Variants in RAB12 observed in about 807,000 individuals in gnomAD.
RAB12 encodes ras-related protein Rab-12.
Under a neutral mutation model 28.4 loss-of-function variants are expected in RAB12, and 11 were observed. That is an observed-to-expected ratio of 0.39 (90% CI 0.24 to 0.64). RAB12 has a LOEUF of 0.64. Ranked by LOEUF, RAB12 falls within the 30% of genes least tolerant of loss-of-function variation. The probability of loss-of-function intolerance (pLI) is 0.50; values close to 1 mark genes in which losing one functional copy is unlikely to be tolerated. For missense variants in RAB12, 276 were observed against 351.1 expected (o/e 0.79, Z 1.71); for synonymous variants, 138 against 145.3 (o/e 0.95, Z 0.36).
At chr18:8,636,208 C>CACGCATG (rs781376433) in intron 4 of RAB12, 45 bp from the exon 5 acceptor site, 65 of 1,337,832 alleles carry the variant, frequency 4.9e-5, no homozygotes, top group Non-Finnish European at 6.7e-5. Flanking sequence ...GCACGCTGGT[C>CACGCATG]TGTGAGGCCC....
chr18:8,632,368 A>G (rs1034065010), intron 2 of RAB12, among the ~76,000 whole-genome samples: 1 of 151,714 alleles, frequency 6.6e-6, no homozygotes, highest in African/African-American at 2.4e-5. Context: ...TGTGGCTGAC[A>G]GTAGTGGCTG....
chr18:8,619,479 T>C (rs1440519732), intron 1 of RAB12, among the ~76,000 whole-genome samples: 1 of 152,224 alleles, frequency 6.6e-6, no homozygotes, highest in African/African-American at 2.4e-5. Context: ...TTGCTAGACA[T>C]GTGAAAGACA....
intron 1 of RAB12, among the ~76,000 whole-genome samples, chr18:8,620,165 C>CTTTAAA (rs2096009078): frequency 2.7e-5 from 2 of 75,434 alleles, no homozygotes; most frequent in Non-Finnish European, 4.6e-5. Context: ...TTTTTTGCTT[C>CTTTAAA]AAAAAAAAAA....
chr18:8,631,649 G>A (rs1027883160), intron 2 of RAB12, among the ~76,000 whole-genome samples: 1 of 152,166 alleles, frequency 6.6e-6, no homozygotes, highest in Non-Finnish European at 1.5e-5. Context: ...GTAGTAGATT[G>A]GGGACTCAGA....
chr18:8,619,273 C>G (rs906151627), intron 1 of RAB12, among the ~76,000 whole-genome samples: 6 of 152,208 alleles, frequency 3.9e-5, no homozygotes, highest in Non-Finnish European at 8.8e-5. Context: ...GGCCGTAGTC[C>G]TAGATGTGGA....
rs117528993 is a variant in RAB12, at chr18:8,619,404, A to G, written c.515-5534A>G. ...CAGCAAAAAGAAACAGTAGTGTGCA[A>G]ATGTTTCGCTTTAAGGGGAACATAG... On this transcript the variant is annotated intron_variant, in intron 1 of 5. Transcript: ENST00000649141. Among the ~76,000 whole-genome samples, 28 of 152,310 alleles carry G rather than the reference A, an allele frequency of 1.8e-4. No homozygotes were observed. The East Asian group carries it at 5.4e-3, about 29-fold the overall frequency.
In RAB12 at chr18:8,618,750, G is replaced by C. The variant is rs756811867; in HGVS notation, c.515-6188G>C. Among the ~76,000 whole-genome samples, 63 of 152,168 alleles carry C rather than the reference G, an allele frequency of 4.1e-4. 1 individual carries two copies. The highest frequency in any genetic ancestry group is 8.1e-4 in the Non-Finnish European group (55 of 68,026). On this transcript the variant is annotated intron_variant, in intron 1 of 5. Transcript: ENST00000649141. ...AATGGTCTTGATCTCCTGATCTCGTGATCCACCCGCCTTGGCCTCCCAAAG... is the reference window on the plus strand; with the variant it reads ...AATGGTCTTGATCTCCTGATCTCGTCATCCACCCGCCTTGGCCTCCCAAAG...
intron 2 of RAB12, among the ~76,000 whole-genome samples, chr18:8,631,078 G>A (rs958101714): frequency 6.6e-5 from 10 of 152,096 alleles, no homozygotes; most frequent in African/African-American, 9.7e-5. Context: ...TAGTAGAGAC[G>A]GGGGTTTCAC....
At chr18:8,625,408 C>A (rs570569741) in intron 2 of RAB12, among the ~76,000 whole-genome samples, 2 of 152,214 alleles carry the variant, frequency 1.3e-5, no homozygotes, top group African/African-American at 4.8e-5. Context: ...AAGGCAGGTC[C>A]CCTGCAGACA....
At chr18:8,615,151 C>T (rs1031448747) in intron 1 of RAB12, among the ~76,000 whole-genome samples, 3 of 152,104 alleles carry the variant, frequency 2.0e-5, no homozygotes, top group Admixed American at 6.5e-5. Context: ...TTTGGACCTG[C>T]GGTTGAGCTG....
At chr18:8,628,092 C>T (rs562142452) in intron 2 of RAB12, among the ~76,000 whole-genome samples, 1 of 152,078 alleles carries the variant, frequency 6.6e-6, no homozygotes, top group African/African-American at 2.4e-5. Context: ...TCATAACTTG[C>T]AAACCTCTAG....
intron 1 of RAB12, among the ~76,000 whole-genome samples, chr18:8,624,417 C>A (rs1025997755): frequency 2.6e-5 from 4 of 151,994 alleles, no homozygotes; most frequent in Non-Finnish European, 5.9e-5. Context: ...ATTTTAAAAT[C>A]TTCTCACTGT....
chr18:8,618,639 A>C (rs1466296439), intron 1 of RAB12, among the ~76,000 whole-genome samples: 1 of 151,974 alleles, frequency 6.6e-6, no homozygotes, highest in Non-Finnish European at 1.5e-5. Flanking sequence ...CCTCCCGAGC[A>C]GCTGGGACCA....
rs550747824 is a variant in RAB12 at position 8,632,469 on chromosome 18, A to T, written c.576-720A>T. Among the ~76,000 whole-genome samples, 34 of 151,942 alleles carry T rather than the reference A, an allele frequency of 2.2e-4. No individual in the cohort carries two copies. The East Asian group carries it at 6.6e-3, about 29-fold the overall frequency. On this transcript the variant is annotated intron_variant, in intron 2 of 5. Coordinates refer to ENST00000649141, the MANE Select transcript of RAB12 (RefSeq NM_001025300.3). ...GAGCTGGCTCTGCTTGTCTCCACAG[A>T]CTCAGTGCTGCTGGCCTGACTGTGC...
chr18:8,625,760 T>C (rs945836604), intron 2 of RAB12, among the ~76,000 whole-genome samples: 1 of 152,260 alleles, frequency 6.6e-6, no homozygotes, highest in Admixed American at 6.5e-5. Flanking sequence ...TTTTGAATGC[T>C]ACAGCTGCGG....
rs71165795 is a variant in RAB12, at chr18:8,620,139, C to CTTTTTTTTTTTTTTT, written c.515-4792_515-4778dup. ...AAAGCCTTCTTTTTTTTTTCTTCTT[C>CTTTTTTTTTTTTTTT]TTTTTTTTTTTTTTTTTTTTTGCTT... On this transcript the variant is annotated intron_variant, in intron 1 of 5. Coordinates refer to ENST00000649141, the MANE Select transcript of RAB12 (RefSeq NM_001025300.3). Among the ~76,000 whole-genome samples the CTTTTTTTTTTTTTTT allele has an allele frequency of 1.1e-3, 60 of 53,942 alleles. 2 individuals carry two copies. Among genetic ancestry groups the CTTTTTTTTTTTTTTT allele is most frequent in the South Asian group, 2.3e-3 (2 of 874 alleles). 35.4% of individuals were successfully genotyped at this position (53,942 alleles called of 152,430 possible).
chr18:8,621,471 T>C (rs2096009838), intron 1 of RAB12, among the ~76,000 whole-genome samples: 1 of 152,232 alleles, frequency 6.6e-6, no homozygotes, highest in South Asian at 2.1e-4. Flanking sequence ...GAGCGAGGAC[T>C]GTTTTAAGGA....
chr18:8,638,219 C>A lies in RAB12; in HGVS notation c.980C>A (p.Pro327Gln). Residue 327 changes from proline (P) to glutamine (Q), a missense_variant, in exon 6 of 6, where the codon CCG becomes CAG. Physicochemically the swap from Pro to Gln is moderately conservative, Grantham distance 76 (BLOSUM62 -1). This residue lies in a region of RAB12 where 127 missense variants were observed against 161.4 expected (regional missense o/e 0.79). Coordinates refer to ENST00000649141, the MANE Select transcript of RAB12 (RefSeq NM_001025300.3). ...ILSLQPEPEI[P>Q]PELPPPRPHV... ...TCGTTACAACCAGAGCCTGAGATAC[C>A]GCCAGAACTGCCTCCACCAAGACCA... The A allele has an allele frequency of 6.2e-7, 1 of 1,613,770 alleles. No individual in the cohort carries two copies. Among genetic ancestry groups the A allele is most frequent in the Non-Finnish European group, 8.5e-7 (1 of 1,179,844 alleles).
intron 2 of RAB12, 74 bp from the exon 3 acceptor site, chr18:8,633,115 T>G: frequency 6.4e-7 from 1 of 1,571,530 alleles, no homozygotes; most frequent in East Asian, 2.2e-5. Context: ...GCATATAATC[T>G]ATGTTTGCAT....
Sources: allele counts gnomAD v4.1 joint callset (sites outside exome capture counted in the v4.1 genomes callset), GRCh38; gene constraint gnomAD v4.1.1; regional missense constraint gnomAD v4.1.1; transcripts MANE v1.5; gene names NCBI Gene and HGNC (gene_info 2026-07-23, HGNC 2026-07-21).